Variants in CBFA2T2 observed in about 807,000 individuals in gnomAD.
CBFA2T2 encodes protein CBFA2T2.
A neutral mutation model predicts 62.2 loss-of-function variants in CBFA2T2; 11 were observed. The ratio of observed to expected loss-of-function variants is 0.18; its 90% CI spans 0.11 to 0.29. The LOEUF (loss-of-function observed/expected upper bound fraction) is 0.29, where lower values mean the gene tolerates loss of function less well. Ranked by LOEUF, CBFA2T2 falls within the 10% of genes least tolerant of loss-of-function variation. The pLI is 1.00. For synonymous variants in CBFA2T2, 295 were observed against 287.5 expected (o/e 1.03, Z -0.27); for missense variants, 592 against 774.1 (o/e 0.76, Z 2.79).
At chr20:33,570,720 T>C (rs1046474126) in intron 1 of CBFA2T2, among the ~76,000 whole-genome samples, 7 of 152,224 alleles carry the variant, frequency 4.6e-5, no homozygotes, top group African/African-American at 1.7e-4. Context: ...ATTCTGTCAT[T>C]GTACATACTG....
At position 33,501,248 on chromosome 20, in the gene CBFA2T2, A is replaced by G. The variant is rs12233265; in HGVS notation, c.34+10947A>G. Among the ~76,000 whole-genome samples the G allele has an allele frequency of 3.3e-5, 5 of 152,334 alleles. No homozygotes were observed. The East Asian group carries it at 9.6e-4, about 29-fold the overall frequency. On this transcript the variant is annotated intron_variant, in intron 1 of 10. Coordinates refer to ENST00000342704, the MANE Select transcript of CBFA2T2 (RefSeq NM_001032999.3). ...CTCCAGTGAAATGTTAATATCAGGC[A>G]TAGCACAGCTCCCTTGATACACTAT...
chr20:33,498,960 T>C (rs1162194171), intron 1 of CBFA2T2, among the ~76,000 whole-genome samples: 6 of 151,798 alleles, frequency 4.0e-5, no homozygotes, highest in African/African-American at 1.2e-4. Flanking sequence ...GGAGAATTGC[T>C]TGAACCCAGG....
At chr20:33,567,847 G>A (rs1207563614) in intron 1 of CBFA2T2, among the ~76,000 whole-genome samples, 1 of 151,784 alleles carries the variant, frequency 6.6e-6, no homozygotes, top group Non-Finnish European at 1.5e-5. Context: ...GCCTCCCAAA[G>A]TGCTGGGATT....
intron 1 of CBFA2T2, among the ~76,000 whole-genome samples, chr20:33,576,257 T>C (rs1568828631): frequency 6.6e-6 from 1 of 152,156 alleles, no homozygotes; most frequent in Non-Finnish European, 1.5e-5. Flanking sequence ...ACAACCTGTT[T>C]TATAGGCTTT....
chr20:33,526,925 C>T (rs550781119), intron 1 of CBFA2T2, among the ~76,000 whole-genome samples: 7 of 152,246 alleles, frequency 4.6e-5, no homozygotes, highest in East Asian at 1.9e-4. Context: ...CAAGCATACT[C>T]GGGTGCATTT....
rs993364040 is a variant in CBFA2T2 at position 33,620,504 on chromosome 20, AAAAAT to A, written c.510+912_510+916del. Among the ~76,000 whole-genome samples the A allele has an allele frequency of 7.4e-5, 11 of 148,624 alleles. No homozygotes were observed. The East Asian group carries it at 1.6e-3, about 22-fold the overall frequency. ...CTGGGTGACAGAGTGAGACATTCTC[AAAAAT>A]AAAATAAAATAAAGAATAAAAAAAG... is the stretch of plus-strand genomic sequence containing the variant. On this transcript the variant is annotated intron_variant, in intron 4 of 10. Coordinates refer to ENST00000342704, the MANE Select transcript of CBFA2T2 (RefSeq NM_001032999.3).
chr20:33,591,135 C>T (rs1223259719), intron 1 of CBFA2T2, among the ~76,000 whole-genome samples: 4 of 139,518 alleles, frequency 2.9e-5, no homozygotes, highest in East Asian at 4.4e-4. Context: ...GCCGAGATCA[C>T]ACCATTGCAC....
chr20:33,570,390 A>G (rs2013507795), intron 1 of CBFA2T2, among the ~76,000 whole-genome samples: 1 of 152,262 alleles, frequency 6.6e-6, no homozygotes, highest in South Asian at 2.1e-4. Context: ...CAATGTGATT[A>G]TATTTAGAAT....
At chr20:33,520,970 T>TCACACACA (rs143080667) in intron 1 of CBFA2T2, among the ~76,000 whole-genome samples, 30 of 137,030 alleles carry the variant, frequency 2.2e-4, no homozygotes, top group African/African-American at 6.2e-4. Context: ...TCACCTGCCA[T>TCACACACA]CACACACACA....
intron 10 of CBFA2T2, among the ~76,000 whole-genome samples, chr20:33,641,255 A>C (rs1426437645): frequency 3.3e-5 from 5 of 152,118 alleles, no homozygotes; most frequent in Middle Eastern, 6.8e-3. Flanking sequence ...GATGGTCTCG[A>C]TCTCCTGACC....
intron 6 of CBFA2T2, among the ~76,000 whole-genome samples, chr20:33,626,241 A>C (rs1479372443): frequency 6.6e-6 from 1 of 152,250 alleles, no homozygotes; most frequent in Non-Finnish European, 1.5e-5. Flanking sequence ...ACCCTGCCTC[A>C]ACACAATAAA....
Position 33,619,563 on chromosome 20 carries a change from C to T in CBFA2T2, c.467C>T (p.Ala156Val). Residue 156 changes from alanine to valine, a missense_variant, in exon 4 of 11, where the codon GCC (alanine) becomes GTC (valine). This residue lies in a region of CBFA2T2 where 449 missense variants were observed against 551.2 expected (regional missense o/e 0.81). Transcript: ENST00000342704. Reference protein sequence around the residue: ...IEEFHCKLQEATNFPLRPFVI... With the variant: ...IEEFHCKLQEVTNFPLRPFVI... ...GAATTCCACTGTAAGCTCCAAGAAG[C>T]CACAAACTTTCCCCTTCGTCCTTTT... is the stretch of plus-strand genomic sequence containing the variant. 6.2e-7 allele frequency: 1 copy of T among 1,609,924 alleles called. No homozygotes were observed. The highest frequency in any genetic ancestry group is 8.5e-7 in the Non-Finnish European group (1 of 1,178,138).
At chr20:33,507,789 CTT>C (rs2011429518) in intron 1 of CBFA2T2, among the ~76,000 whole-genome samples, 1 of 152,166 alleles carries the variant, frequency 6.6e-6, no homozygotes, top group African/African-American at 2.4e-5. Flanking sequence ...TAGCAATTGT[CTT>C]TTCATAGATC....
intron 1 of CBFA2T2, among the ~76,000 whole-genome samples, chr20:33,522,373 A>G (rs755244822): frequency 1.2e-4 from 18 of 152,268 alleles, no homozygotes; most frequent in Non-Finnish European, 2.2e-4. Context: ...AAGTAAGCCA[A>G]TTTAATGTAG....
chr20:33,516,191 C>T (rs950488914), intron 1 of CBFA2T2, among the ~76,000 whole-genome samples: 12 of 152,032 alleles, frequency 7.9e-5, no homozygotes, highest in Non-Finnish European at 1.5e-4. Flanking sequence ...CAGCGTCAGA[C>T]GGGCATGGTG....
chr20:33,568,267 C>T (rs186711103), intron 1 of CBFA2T2, among the ~76,000 whole-genome samples: 116 of 152,276 alleles, frequency 7.6e-4, no homozygotes, highest in Non-Finnish European at 1.3e-3. Context: ...CCCAGTCCCC[C>T]AAAAACATTG....
intron 1 of CBFA2T2, among the ~76,000 whole-genome samples, chr20:33,599,285 A>G (rs925451166): frequency 2.6e-5 from 4 of 152,088 alleles, no homozygotes; most frequent in African/African-American, 7.2e-5. Flanking sequence ...CCTGTGGCCC[A>G]CTGTCCATTT....
At chr20:33,504,582 T>A (rs1227012952) in intron 1 of CBFA2T2, among the ~76,000 whole-genome samples, 1 of 151,944 alleles carries the variant, frequency 6.6e-6, no homozygotes, top group Non-Finnish European at 1.5e-5. Context: ...TTTTGTATTT[T>A]TAGTAGAGAT....
At chr20:33,513,651 G>A (rs1270239083) in intron 1 of CBFA2T2, among the ~76,000 whole-genome samples, 6 of 150,612 alleles carry the variant, frequency 4.0e-5, no homozygotes, top group Admixed American at 6.6e-5. Flanking sequence ...GTGAGCCACC[G>A]CACCTGGCCA....
Sources: gnomAD v4.1 joint callset for allele counts (sites outside exome capture counted in the v4.1 genomes callset) on GRCh38, gnomAD v4.1.1 for gene constraint, gnomAD v4.1.1 regional missense constraint, MANE v1.5 for transcripts, NCBI Gene and HGNC (gene_info 2026-07-23, HGNC 2026-07-21) for gene names.